The following MBOAT2 variants were observed in gnomAD, a reference collection of about 807,000 sequenced individuals.
MBOAT2 encodes the protein membrane-bound glycerophospholipid O-acyltransferase 2.
In MBOAT2, 28 loss-of-function variants were observed where a neutral mutation model predicts 63.4. That is an observed-to-expected ratio of 0.44 (90% confidence interval 0.33 to 0.61). The LOEUF (loss-of-function observed/expected upper bound fraction) is 0.61, where lower values mean the gene tolerates loss of function less well. Ranked by LOEUF, MBOAT2 falls within the 20% of genes least tolerant of loss-of-function variation. The pLI is 0.03. For synonymous variants in MBOAT2, 211 were observed against 215.6 expected (o/e 0.98, Z 0.19); for missense variants, 470 against 605.8 (o/e 0.78, Z 2.35).
At chr2:8,898,532 C>A (rs1212673847) in intron 4 of MBOAT2, among the ~76,000 whole-genome samples, 1 of 152,232 alleles carries the variant, frequency 6.6e-6, no homozygotes, top group Non-Finnish European at 1.5e-5. Flanking sequence ...CCTTGATTAG[C>A]TAGAAAGTTC....
At chr2:8,863,102 C>A (rs941476724) in intron 10 of MBOAT2, among the ~76,000 whole-genome samples, 1 of 152,040 alleles carries the variant, frequency 6.6e-6, no homozygotes, top group African/African-American at 2.4e-5. Context: ...CTACTCCTTC[C>A]GGCAGATAGA....
rs1396041274 is a variant in MBOAT2, at chr2:8,854,459, G to T, written c.*4220C>A. ...ACCTATATTAAATTTCAGCCAGGAAGAACTATTAACGCCTGGATAAAACTC... is the reference window on the plus strand; with the variant it reads ...ACCTATATTAAATTTCAGCCAGGAATAACTATTAACGCCTGGATAAAACTC... On this transcript the variant is annotated 3_prime_UTR_variant, in exon 13 of 13. Transcript: ENST00000305997. 6.6e-6 allele frequency: 1 copy of T among 152,152 alleles called. No homozygotes were observed. The highest frequency in any genetic ancestry group is 6.5e-5 in the Admixed American group (1 of 15,272). The allele number at this position is 152,152 out of a possible 1,614,324, so 9.4% of individuals were successfully genotyped here. A position where few individuals can be genotyped will look rare whatever the true frequency, so the allele number is the denominator to read the frequency against.
At chr2:8,892,214 C>T (rs546985394) in intron 4 of MBOAT2, among the ~76,000 whole-genome samples, 1 of 152,276 alleles carries the variant, frequency 6.6e-6, no homozygotes, top group South Asian at 2.1e-4. Flanking sequence ...TATATTAATG[C>T]TACAAATCAA....
chr2:8,923,775 A>G (rs1034992542), intron 3 of MBOAT2, among the ~76,000 whole-genome samples: 1 of 152,142 alleles, frequency 6.6e-6, no homozygotes, highest in African/African-American at 2.4e-5. Context: ...TTATGAATTA[A>G]CATTTCTCAA....
chr2:8,863,009 A>G (rs771412238), intron 10 of MBOAT2, among the ~76,000 whole-genome samples: 2 of 152,154 alleles, frequency 1.3e-5, no homozygotes, highest in Non-Finnish European at 2.9e-5. Context: ...GAGTCTATAC[A>G]ATTTACAAAA....
chr2:8,877,121 G>A lies in MBOAT2; in HGVS notation c.599C>T (p.Thr200Ile), dbSNP rs768362605. Residue 200 changes from threonine (T) to isoleucine (I), a missense_variant, in exon 7 of 13, where the codon ACT becomes ATT. Coordinates refer to ENST00000305997, the MANE Select transcript of MBOAT2 (RefSeq NM_138799.4). ...GPLCSYKDYI[T>I]FIEGRSYHIT... ...ATGGTATGATCTGCCTTCAATGAAAGTAATGTAGTCTTTGTAAGAGCAAAG... is the reference window on the plus strand; with the variant it reads ...ATGGTATGATCTGCCTTCAATGAAAATAATGTAGTCTTTGTAAGAGCAAAG... 1.9e-6 allele frequency: 3 copies of A among 1,614,128 alleles called. No individual in the cohort carries two copies. Among genetic ancestry groups the A allele is most frequent in the African/African-American group, 1.3e-5 (1 of 75,026 alleles).
At chr2:8,972,398 C>T (rs1438085805) in intron 1 of MBOAT2, among the ~76,000 whole-genome samples, 34 of 152,066 alleles carry the variant, frequency 2.2e-4, no homozygotes, top group Non-Finnish European at 4.4e-4. Context: ...AATGTTAGAC[C>T]GAAAACCATA....
Position 9,003,513 on chromosome 2 carries a change from G to A in MBOAT2, c.75+27C>T. 1 of 1,180,714 alleles carries A rather than the reference G, an allele frequency of 8.5e-7. No homozygotes were observed. The highest frequency in any genetic ancestry group is 1.0e-6 in the Non-Finnish European group (1 of 955,474). The allele number at this position is 1,180,714 out of a possible 1,614,324, so 73.1% of individuals were successfully genotyped here. A position where few individuals can be genotyped will look rare whatever the true frequency, so the allele number is the denominator to read the frequency against. On this transcript the variant is annotated intron_variant, in intron 1 of 12. Coordinates refer to ENST00000305997, the MANE Select transcript of MBOAT2 (RefSeq NM_138799.4). This position sits in a 1 kb window ranked among gnomAD's most constrained non-coding sequence, Gnocchi z 5.4. The stretch of plus-strand genomic sequence containing the variant: ...CGGGGAGGGGCGGCGAGGGCGCGAC[G>A]CCCGGCGCCAGGGCGCCTCGGGGTA...
chr2:8,893,764 A>C (rs1254228601), intron 4 of MBOAT2, among the ~76,000 whole-genome samples: 1 of 152,238 alleles, frequency 6.6e-6, no homozygotes, highest in East Asian at 1.9e-4. Context: ...AATGCATTTC[A>C]AACAAGAGTC....
At chr2:8,867,437 G>A (rs753293168) in intron 9 of MBOAT2, among the ~76,000 whole-genome samples, 2 of 152,074 alleles carry the variant, frequency 1.3e-5, no homozygotes, top group Non-Finnish European at 1.5e-5. Context: ...GAACTGCCAC[G>A]TGCTGATAGT....
At chr2:8,981,237 T>A (rs1021600375) in intron 1 of MBOAT2, among the ~76,000 whole-genome samples, 1 of 152,152 alleles carries the variant, frequency 6.6e-6, no homozygotes. Flanking sequence ...ATGAAAATGT[T>A]CCAGGTTAGA....
chr2:8,949,194 C>T (rs1025414961), intron 2 of MBOAT2, among the ~76,000 whole-genome samples: 1 of 152,016 alleles, frequency 6.6e-6, no homozygotes. Context: ...TGCTTTTTGC[C>T]TGTCCAACTG....
At chr2:8,972,758 A>ATTTATGCAG (rs1284208653) in intron 1 of MBOAT2, among the ~76,000 whole-genome samples, 2 of 152,244 alleles carry the variant, frequency 1.3e-5, no homozygotes, top group Non-Finnish European at 2.9e-5. Flanking sequence ...GCCAACAGAC[A>ATTTATGCAG]CATGAAAAAA....
intron 1 of MBOAT2, among the ~76,000 whole-genome samples, chr2:8,966,199 A>G (rs188822524): frequency 1.4e-3 from 207 of 152,294 alleles, no homozygotes; most frequent in South Asian, 2.5e-3. Context: ...CAAACTATAC[A>G]CTTATTGCTG....
At chr2:8,867,450 C>G (rs1372942513) in intron 9 of MBOAT2, among the ~76,000 whole-genome samples, 1 of 152,162 alleles carries the variant, frequency 6.6e-6, no homozygotes, top group Non-Finnish European at 1.5e-5. Context: ...CTGATAGTTC[C>G]CAGATTTCAC....
rs1573186191 is a variant in MBOAT2 at position 8,964,032 on chromosome 2, T to C, written c.76-5390A>G. 2.0e-5 allele frequency among the ~76,000 whole-genome samples: 3 copies of C among 152,250 alleles called. No individual in the cohort carries two copies. The Middle Eastern group carries it at 0.01, about 518-fold the overall frequency. ...GCACAGGCCCAGAAACACTAGACAC[T>C]AAACCATTAGATGCTGTCACCTCTA... is the stretch of plus-strand genomic sequence containing the variant. On this transcript the variant is annotated intron_variant, in intron 1 of 12. Transcript: ENST00000305997.
intron 3 of MBOAT2, among the ~76,000 whole-genome samples, chr2:8,941,815 T>G (rs1415210447): frequency 1.3e-5 from 2 of 152,196 alleles, no homozygotes; most frequent in Non-Finnish European, 2.9e-5. Context: ...CAACTGCCTT[T>G]CAGAAAAAGA....
At chr2:8,944,401 AG>A (rs148166169) in intron 2 of MBOAT2, among the ~76,000 whole-genome samples, 14 of 152,316 alleles carry the variant, frequency 9.2e-5, no homozygotes, top group African/African-American at 3.1e-4. Flanking sequence ...CACAATTTAA[AG>A]TACTTTATTT....
At chr2:8,986,512 G>A (rs982584946) in intron 1 of MBOAT2, among the ~76,000 whole-genome samples, 7 of 151,928 alleles carry the variant, frequency 4.6e-5, no homozygotes, top group African/African-American at 1.2e-4. Context: ...GCAGTGAGCC[G>A]TGATCACATG....
Sources: gnomAD v4.1 joint callset for allele counts (sites outside exome capture counted in the v4.1 genomes callset) on GRCh38, gnomAD v4.1.1 for gene constraint, Gnocchi (gnomAD v3.1) non-coding constraint, MANE v1.5 for transcripts, NCBI Gene and HGNC (gene_info 2026-07-23, HGNC 2026-07-21) for gene names.